The following LRPPRC variants were observed in gnomAD, a reference collection of about 807,000 sequenced individuals.
LRPPRC encodes leucine rich pentatricopeptide repeat containing.
LRPPRC carries 120 observed loss-of-function variants against 180.3 expected under a neutral mutation model. The ratio of observed to expected loss-of-function variants is 0.67; its 90% CI spans 0.57 to 0.77. The LOEUF (loss-of-function observed/expected upper bound fraction) is 0.77, where lower values mean the gene tolerates loss of function less well. Among genes scored for constraint, LRPPRC ranks in the 30% least tolerant of loss-of-function variants. The pLI, the probability that LRPPRC is intolerant of heterozygous loss-of-function variation, is 0.00. For synonymous variants in LRPPRC, 723 were observed against 600.0 expected (o/e 1.21, Z -3.00); for missense variants, 2,012 against 1,657.2 (o/e 1.21, Z -3.72).
At chr2:43,921,887 T>C (rs934796153) in intron 27 of LRPPRC, among the ~76,000 whole-genome samples, 4 of 152,228 alleles carry the variant, frequency 2.6e-5, no homozygotes, top group African/African-American at 4.8e-5. Context: ...ACTTTTTAAA[T>C]AGATTCAAAG....
At chr2:43,919,750 CTAAG>C (rs1231354234) in intron 27 of LRPPRC, among the ~76,000 whole-genome samples, 2 of 151,854 alleles carry the variant, frequency 1.3e-5, no homozygotes, top group Admixed American at 6.6e-5. Flanking sequence ...TCACATGACA[CTAAG>C]TGTAATACAA....
chr2:43,953,325 C>G (rs975935558), intron 14 of LRPPRC, among the ~76,000 whole-genome samples: 1 of 152,168 alleles, frequency 6.6e-6, no homozygotes, highest in African/African-American at 2.4e-5. Flanking sequence ...TTACCACAAC[C>G]TACGATTTTT....
intron 14 of LRPPRC, among the ~76,000 whole-genome samples, chr2:43,955,497 A>G (rs1326798646): frequency 6.6e-6 from 1 of 150,768 alleles, no homozygotes; most frequent in African/African-American, 2.4e-5. Context: ...AAAAAAGAAA[A>G]GAAAATTATG....
At position 43,973,905 on chromosome 2, in the gene LRPPRC, G is replaced by A. The variant is rs556523845; in HGVS notation, c.1156-5C>T. ...GTCTGTTAGCTTCTCCACAGGCTGT[G>A]GGAAAAAAGTCACCACATTAGCTGG... On this transcript the variant is annotated splice_region_variant and splice_polypyrimidine_tract_variant and intron_variant, in intron 9 of 37. Transcript: ENST00000260665. 1.4e-5 allele frequency: 21 copies of A among 1,549,648 alleles called. No individual in the cohort carries two copies. In the South Asian group the frequency reaches 2.0e-4, roughly 15 times the overall value.
At chr2:43,995,611 T>A (rs1023624739) in intron 1 of LRPPRC, among the ~76,000 whole-genome samples, 188 bp downstream of exon 1, 1 of 152,170 alleles carries the variant, frequency 6.6e-6, no homozygotes, top group African/African-American at 2.4e-5. Flanking sequence ...GCCGTGACCT[T>A]CTGAAGGCGC....
chr2:43,918,148 T>C lies in LRPPRC; in HGVS notation c.3040-15A>G. 1 of 1,608,724 alleles carries C rather than the reference T, an allele frequency of 6.2e-7. No homozygotes were observed. The highest frequency in any genetic ancestry group is 8.5e-7 in the Non-Finnish European group (1 of 1,175,180). ...TCATACCACAACTTTAAAACAAAGT[T>C]ATTCTGTTAAATAAAAACTGGTAAT... is the stretch of plus-strand genomic sequence containing the variant. On this transcript the variant is annotated splice_polypyrimidine_tract_variant and intron_variant, in intron 28 of 37. Transcript: ENST00000260665.
At chr2:43,928,058 GTTCT>G (rs1321272505) in intron 25 of LRPPRC, among the ~76,000 whole-genome samples, 2 of 152,164 alleles carry the variant, frequency 1.3e-5, no homozygotes, top group Non-Finnish European at 2.9e-5. Flanking sequence ...CTCATATTTA[GTTCT>G]TTCTGTGTTG....
intron 25 of LRPPRC, among the ~76,000 whole-genome samples, chr2:43,931,808 T>A (rs997012523): frequency 3.3e-5 from 5 of 152,128 alleles, no homozygotes; most frequent in African/African-American, 1.2e-4. Flanking sequence ...GATTTCTTCA[T>A]CTGAAACCTC....
rs772292637 is a variant in LRPPRC, at chr2:43,982,449, ATAAT to A, written c.150-19_150-16del. 7 of 1,571,320 alleles carry A rather than the reference ATAAT, an allele frequency of 4.5e-6. No homozygotes were observed. Among genetic ancestry groups the A allele is most frequent in the African/African-American group, 2.7e-5 (2 of 74,048 alleles). On this transcript the variant is annotated splice_polypyrimidine_tract_variant and intron_variant, in intron 1 of 37. Transcript: ENST00000260665. ...TCAGTAGTCCTCTAAAAAATGAAAC[ATAAT>A]TAATAATAATCAGTTGCTATCTATT...
chr2:43,905,299 C>T (rs908666394), intron 31 of LRPPRC, among the ~76,000 whole-genome samples: 1 of 152,200 alleles, frequency 6.6e-6, no homozygotes, highest in Non-Finnish European at 1.5e-5. Flanking sequence ...CAAGAAACAA[C>T]TGCTGGGAAT....
At chr2:43,987,695 C>G (rs2103765687) in intron 1 of LRPPRC, among the ~76,000 whole-genome samples, 1 of 152,184 alleles carries the variant, frequency 6.6e-6, no homozygotes. Flanking sequence ...ATTTCTGCAA[C>G]AAATCTTTAG....
At chr2:43,993,786 G>A (rs890926835) in intron 1 of LRPPRC, among the ~76,000 whole-genome samples, 3 of 151,482 alleles carry the variant, frequency 2.0e-5, no homozygotes, top group Non-Finnish European at 3.0e-5. Context: ...GACAAGTGAG[G>A]TGTGCCACGA....
In LRPPRC at chr2:43,949,632, G is replaced by A. The variant is rs763882711; in HGVS notation, c.1705C>T (p.Arg569Cys). The change falls in exon 16 of 38, where the codon CGT (arginine) becomes TGT (cysteine). Residue 569 changes from arginine (R) to cysteine (C), a missense_variant. By Grantham distance (180) the Arg-to-Cys change is radical. Coordinates refer to ENST00000260665, the MANE Select transcript of LRPPRC (RefSeq NM_133259.4). ...EITELLYKDG[R>C]YCQEPRGPTE... The stretch of plus-strand genomic sequence containing the variant: ...GGTCCTCGAGGCTCCTGGCAATAAC[G>A]TCCATCCTTGTACAACAATTCTGTT... The A allele has an allele frequency of 8.7e-6, 14 of 1,613,668 alleles. No individual in the cohort carries two copies. The highest frequency in any genetic ancestry group is 3.3e-5 in the South Asian group (3 of 91,034).
rs531317303 is a variant in LRPPRC, at chr2:43,899,921, T to G, written c.3570-316A>C. ...ATACAGGAGAATTAATGAAGATAAC[T>G]TTTAAAATTCTGTATCTTAAATATT... is the stretch of plus-strand genomic sequence containing the variant. On this transcript the variant is annotated intron_variant, in intron 32 of 37. Coordinates refer to ENST00000260665, the MANE Select transcript of LRPPRC (RefSeq NM_133259.4). Among the ~76,000 whole-genome samples the G allele has an allele frequency of 1.1e-4, 17 of 152,368 alleles. No homozygotes were observed. The South Asian group carries it at 3.5e-3, about 32-fold the overall frequency.
At chr2:43,960,448 T>C in intron 13 of LRPPRC, 93 bp downstream of exon 13, 1 of 780,536 alleles carries the variant, frequency 1.3e-6, no homozygotes, top group South Asian at 1.4e-5. Context: ...CATATAAACC[T>C]TCCTTGCTTT....
intron 25 of LRPPRC, among the ~76,000 whole-genome samples, chr2:43,927,415 A>G (rs1671918015): frequency 6.6e-6 from 1 of 152,190 alleles, no homozygotes; most frequent in Non-Finnish European, 1.5e-5. Flanking sequence ...TTCCTATATC[A>G]TCCACTTTTT....
chr2:43,950,468 T>A (rs1460211581), intron 15 of LRPPRC, 105 bp downstream of exon 15: 5 of 1,046,966 alleles, frequency 4.8e-6, no homozygotes, highest in Non-Finnish European at 7.4e-6. Flanking sequence ...AAAATTTTAG[T>A]AGAAAACCAA....
chr2:43,978,252 A>G (rs1443465599), intron 3 of LRPPRC, among the ~76,000 whole-genome samples: 4 of 152,138 alleles, frequency 2.6e-5, no homozygotes, highest in Non-Finnish European at 5.9e-5. Context: ...AAATCTGTAA[A>G]CAAGAGTCAA....
intron 35 of LRPPRC, among the ~76,000 whole-genome samples, chr2:43,895,802 C>G (rs1381514242): frequency 6.6e-6 from 1 of 152,052 alleles, no homozygotes; most frequent in Admixed American, 6.5e-5. Context: ...CCCAAATAAA[C>G]TAAGAATGTA....
Sources: gnomAD v4.1 joint callset for allele counts (sites outside exome capture counted in the v4.1 genomes callset) on GRCh38, gnomAD v4.1.1 for gene constraint, MANE v1.5 for transcripts, NCBI Gene and HGNC (gene_info 2026-07-23, HGNC 2026-07-21) for gene names.